Variants in HDAC4 observed in about 807,000 individuals in gnomAD.
HDAC4 encodes histone deacetylase A.
In HDAC4, 16 loss-of-function variants were observed where a neutral mutation model predicts 135.1. That is an observed-to-expected ratio of 0.12 (90% CI 0.08 to 0.18). The LOEUF is 0.18. HDAC4 is among the 10% of genes least tolerant of loss of function. The pLI is 1.00. For synonymous variants in HDAC4, 685 were observed against 653.4 expected (o/e 1.05, Z -0.74); for missense variants, 1,143 against 1,511.8 (o/e 0.76, Z 4.05).
At chr2:239,113,772 C>A (rs894975035) in intron 13 of HDAC4, among the ~76,000 whole-genome samples, 1 of 152,174 alleles carries the variant, frequency 6.6e-6, no homozygotes, top group African/African-American at 2.4e-5. Flanking sequence ...TCGGACAGGA[C>A]CTGTGGACGA....
chr2:239,055,145 G>T (rs1428689034), intron 24 of HDAC4: 2 of 355,608 alleles, frequency 5.6e-6, no homozygotes, highest in Admixed American at 4.0e-5. Context: ...GACGCCACAG[G>T]GTTCCATGAG....
intron 1 of HDAC4, among the ~76,000 whole-genome samples, chr2:239,375,530 A>G (rs1033712425): frequency 2.0e-5 from 3 of 152,180 alleles, no homozygotes; most frequent in African/African-American, 7.2e-5. Context: ...CACTGACCTC[A>G]GCGAGTGGTG....
chr2:239,327,310 G>A (rs1559365988), intron 2 of HDAC4, among the ~76,000 whole-genome samples: 1 of 152,178 alleles, frequency 6.6e-6, no homozygotes, highest in South Asian at 2.1e-4. Context: ...GCAAGCCGGG[G>A]CCCGATGAAC....
chr2:239,266,254 T>C (rs1334351383), intron 2 of HDAC4, among the ~76,000 whole-genome samples: 2 of 152,164 alleles, frequency 1.3e-5, no homozygotes, highest in African/African-American at 4.8e-5. Flanking sequence ...GCAGAGCCGC[T>C]AGGTGGGAAA....
chr2:239,158,544 T>C (rs2042566751), intron 6 of HDAC4, among the ~76,000 whole-genome samples: 1 of 152,100 alleles, frequency 6.6e-6, no homozygotes, highest in Non-Finnish European at 1.5e-5. Flanking sequence ...CCCACTTTCC[T>C]GTCAAACCTT....
At chr2:239,391,127 A>G (rs958352345) in intron 1 of HDAC4, among the ~76,000 whole-genome samples, 1 of 152,180 alleles carries the variant, frequency 6.6e-6, no homozygotes, top group Non-Finnish European at 1.5e-5. Flanking sequence ...GACATGCCAT[A>G]GCAGCTGAGC....
chr2:239,247,907 A>T (rs1351588241), intron 2 of HDAC4, among the ~76,000 whole-genome samples: 3 of 152,172 alleles, frequency 2.0e-5, no homozygotes, highest in African/African-American at 7.2e-5. Context: ...ACCTGAAAGC[A>T]CCGCTCATTC....
intron 3 of HDAC4, among the ~76,000 whole-genome samples, chr2:239,231,249 A>T (rs2047534993): frequency 6.6e-6 from 1 of 152,210 alleles, no homozygotes; most frequent in Non-Finnish European, 1.5e-5. Flanking sequence ...AAACCGTGGA[A>T]CGTGCTTCTC....
In HDAC4 at chr2:239,315,568, G is replaced by A. The variant is rs865945247; in HGVS notation, c.22+37110C>T. ...CACGACAGACACCATCAACCCGGCA[G>A]ACCAGGTGACAGTGAGAAAGTCCAG... is the stretch of plus-strand genomic sequence containing the variant. On this transcript the variant is annotated intron_variant, in intron 2 of 26. Transcript: ENST00000543185. Among the ~76,000 whole-genome samples the A allele has an allele frequency of 3.9e-5, 6 of 152,294 alleles. No homozygotes were observed. The South Asian group carries it at 1.2e-3, about 32-fold the overall frequency.
In HDAC4 at chr2:239,265,590, C is replaced by T. The variant is rs1343416584; in HGVS notation, c.23-28926G>A. ...CCTCCCTTTGCCCCTGACTCTCCTG[C>T]TCCGCAGAGCCTTGAGGCACAAAGG... On this transcript the variant is annotated intron_variant, in intron 2 of 26. Coordinates refer to ENST00000543185, the MANE Select transcript of HDAC4 (RefSeq NM_001378414.1). Among the ~76,000 whole-genome samples the T allele has an allele frequency of 3.3e-5, 5 of 152,192 alleles. No homozygotes were observed. The East Asian group carries it at 9.7e-4, about 29-fold the overall frequency.
chr2:239,158,991 G>A (rs564016626), intron 6 of HDAC4, among the ~76,000 whole-genome samples: 4 of 151,350 alleles, frequency 2.6e-5, no homozygotes, highest in Admixed American at 1.3e-4. Context: ...CATGCCTCAC[G>A]CTACTCACAC....
intron 8 of HDAC4, among the ~76,000 whole-genome samples, chr2:239,144,197 C>G (rs569698299): frequency 1.3e-5 from 2 of 152,278 alleles, no homozygotes; most frequent in East Asian, 3.9e-4. Context: ...AGACACTGCT[C>G]AGGGGCAGCG....
At chr2:239,121,025 T>C (rs1461615580) in intron 12 of HDAC4, among the ~76,000 whole-genome samples, 1 of 142,494 alleles carries the variant, frequency 7.0e-6, no homozygotes, top group African/African-American at 2.8e-5. Context: ...TGAGACAGGG[T>C]CTTGCTCTGT....
intron 21 of HDAC4, among the ~76,000 whole-genome samples, chr2:239,081,708 C>T (rs991511247): frequency 3.5e-4 from 53 of 152,198 alleles, no homozygotes; most frequent in Admixed American, 1.0e-3. Context: ...CTGGGCCTGC[C>T]GTTCCTGGGG....
intron 11 of HDAC4, among the ~76,000 whole-genome samples, chr2:239,130,130 G>C (rs2040467176): frequency 6.6e-6 from 1 of 152,186 alleles, no homozygotes; most frequent in African/African-American, 2.4e-5. Flanking sequence ...GCAAGAGTTA[G>C]ATCCAACTCA....
At chr2:239,098,518 G>A (rs955089578) in intron 16 of HDAC4, among the ~76,000 whole-genome samples, 2 of 152,250 alleles carry the variant, frequency 1.3e-5, no homozygotes, top group Non-Finnish European at 2.9e-5. Context: ...CCCGGATGCA[G>A]CACCCTGCCA....
chr2:239,181,907 A>G (rs1196725519), intron 4 of HDAC4, among the ~76,000 whole-genome samples: 1 of 152,066 alleles, frequency 6.6e-6, no homozygotes, highest in African/African-American at 2.4e-5. Context: ...TCGCCTAGAG[A>G]CGCCGACTTC....
chr2:239,090,739 T>C (rs1451956495), intron 17 of HDAC4, among the ~76,000 whole-genome samples: 1 of 152,024 alleles, frequency 6.6e-6, no homozygotes, highest in Non-Finnish European at 1.5e-5. Flanking sequence ...GATTTTTGGA[T>C]TAGGGATGCT....
chr2:239,136,509 C>T (rs2040966533), intron 9 of HDAC4, among the ~76,000 whole-genome samples: 1 of 152,180 alleles, frequency 6.6e-6, no homozygotes, highest in African/African-American at 2.4e-5. Flanking sequence ...ACCTCAAAAG[C>T]ACAGGCAACA....
Sources: allele counts gnomAD v4.1 joint callset (sites outside exome capture counted in the v4.1 genomes callset), GRCh38; gene constraint gnomAD v4.1.1; transcripts MANE v1.5; gene names NCBI Gene and HGNC (gene_info 2026-07-23, HGNC 2026-07-21).